The following INSR variants were observed in gnomAD, a reference collection of about 807,000 sequenced individuals.
INSR encodes the protein insulin receptor.
Under a neutral mutation model 142.6 loss-of-function variants are expected in INSR, and 67 were observed. The observed-to-expected ratio is 0.47, with a 90% CI of 0.39 to 0.58. The LOEUF (loss-of-function observed/expected upper bound fraction) is 0.58. Ranked by LOEUF, INSR falls within the 20% of genes least tolerant of loss-of-function variation. The pLI is 0.00. For synonymous variants in INSR, 756 were observed against 743.1 expected, an observed-to-expected ratio of 1.02 and a Z score of -0.28; for missense variants, 1,248 against 1,833.2, an observed-to-expected ratio of 0.68 and a Z score of 5.83.
intron 21 of INSR, 67 bp from the exon 22 acceptor site, chr19:7,117,477 A>C (rs1450591034): frequency 8.3e-6 from 10 of 1,211,354 alleles, no homozygotes; most frequent in Non-Finnish European, 1.1e-5. Flanking sequence ...CCAAACCCCC[A>C]CTCTTGTCCC....
At chr19:7,195,195 G>C (rs936593821) in intron 2 of INSR, among the ~76,000 whole-genome samples, 1 of 152,172 alleles carries the variant, frequency 6.6e-6, no homozygotes, top group Non-Finnish European at 1.5e-5. Flanking sequence ...AATACTTCAA[G>C]TAACATTGCC....
At chr19:7,226,657 G>A (rs1408359761) in intron 2 of INSR, among the ~76,000 whole-genome samples, 1 of 149,016 alleles carries the variant, frequency 6.7e-6, no homozygotes, top group Non-Finnish European at 1.5e-5. Context: ...GAGCCCAAGA[G>A]GTCAAGGCTA....
intron 2 of INSR, among the ~76,000 whole-genome samples, chr19:7,209,415 A>G (rs566437829): frequency 2.6e-5 from 4 of 152,250 alleles, no homozygotes; most frequent in East Asian, 3.9e-4. Flanking sequence ...GCTCAACTCC[A>G]TAAAAGTCAT....
rs1200582680 is a variant in INSR at position 7,169,171 on chromosome 19, G to A, written c.1484-1077C>T. Among the ~76,000 whole-genome samples, 3 of 152,234 alleles carry A rather than the reference G, an allele frequency of 2.0e-5. No homozygotes were observed. In the East Asian group the frequency reaches 5.8e-4, roughly 29 times the overall value. ...AACCGTGGCCTTGATCTCTTTCTGG[G>A]TTTGGCCAAGACTCAGGGATGCATC... On this transcript the variant is annotated intron_variant, in intron 6 of 21. Transcript: ENST00000302850.
intron 2 of INSR, among the ~76,000 whole-genome samples, chr19:7,228,891 T>G (rs112599434): frequency 0.017 from 2,641 of 151,694 alleles, 83 homozygotes; most frequent in African/African-American, 0.06. Context: ...GATGTATGCA[T>G]GGGTGGATAG....
At chr19:7,285,432 A>T (rs916975910) in intron 1 of INSR, among the ~76,000 whole-genome samples, 1 of 152,176 alleles carries the variant, frequency 6.6e-6, no homozygotes, top group African/African-American at 2.4e-5. Context: ...CCTGGGCAAC[A>T]GAGTTAGTGA....
chr19:7,177,842 C>T (rs1042969397), intron 3 of INSR, among the ~76,000 whole-genome samples: 6 of 151,620 alleles, frequency 4.0e-5, no homozygotes, highest in Non-Finnish European at 5.9e-5. Context: ...CAACCGTGCC[C>T]GGCCAGTTAA....
chr19:7,144,506 C>T (rs1422454458), intron 11 of INSR, among the ~76,000 whole-genome samples: 9 of 152,140 alleles, frequency 5.9e-5, no homozygotes, highest in South Asian at 2.1e-4. Flanking sequence ...TGAGTTCATG[C>T]GATTCTCCTG....
At chr19:7,128,185 CAT>C (rs1400766680) in intron 15 of INSR, among the ~76,000 whole-genome samples, 1 of 151,636 alleles carries the variant, frequency 6.6e-6, no homozygotes, top group African/African-American at 2.4e-5. Flanking sequence ...CACTGATGAA[CAT>C]ATATGTCTTA....
At chr19:7,212,055 G>T (rs1222072091) in intron 2 of INSR, among the ~76,000 whole-genome samples, 1 of 152,092 alleles carries the variant, frequency 6.6e-6, no homozygotes, top group African/African-American at 2.4e-5. Context: ...CATCTGGGGA[G>T]GGGCCGTCTT....
intron 1 of INSR, among the ~76,000 whole-genome samples, chr19:7,280,723 A>C (rs1287408533): frequency 6.6e-6 from 1 of 151,668 alleles, no homozygotes; most frequent in Non-Finnish European, 1.5e-5. Context: ...ATCTCAAAAA[A>C]AAAAACAAAA....
Position 7,126,630 on chromosome 19 carries a change from T to A in INSR, c.2967A>T (p.Gly989=), listed in dbSNP as rs776148714. 1.3e-6 allele frequency: 2 copies of A among 1,565,794 alleles called. No homozygotes were observed. The highest frequency in any genetic ancestry group is 1.9e-5 in the Admixed American group (1 of 53,100). Residue 989 remains glycine (G), a synonymous_variant, in exon 16 of 22, where the codon GGA becomes GGT. Coordinates refer to ENST00000302850, the MANE Select transcript of INSR (RefSeq NM_000208.4). Reference sequence around the variant, plus strand: ...CAGGGTTTGAAGAAGCGTAAAGCGGTCCCAGCGGCCCATCTGGCTGCCTGG... The same window carrying A: ...CAGGGTTTGAAGAAGCGTAAAGCGGACCCAGCGGCCCATCTGGCTGCCTGG... ...LRKRQPDGPL[G]PLYASSNPEY...
Position 7,192,630 on chromosome 19 carries a change from C to T in INSR, c.653-7993G>A, listed in dbSNP as rs900786671. On this transcript the variant is annotated intron_variant, in intron 2 of 21. Transcript: ENST00000302850. The surrounding 1 kb of genome is among the most constrained non-coding windows in gnomAD (Gnocchi z 4.2). ...ACTTGCAGGAAAATGCCAAACCGTC[C>T]GGGGGCTGTCACTCCCTCACACCTG... Among the ~76,000 whole-genome samples the T allele has an allele frequency of 2.0e-5, 3 of 152,140 alleles. No homozygotes were observed. The highest frequency in any genetic ancestry group is 4.4e-5 in the Non-Finnish European group (3 of 68,030).
At chr19:7,215,578 A>ATTTATTTATTTT (rs1555753814) in intron 2 of INSR, among the ~76,000 whole-genome samples, 6 of 150,946 alleles carry the variant, frequency 4.0e-5, no homozygotes, top group South Asian at 2.1e-4. Flanking sequence ...TTATTTATTT[A>ATTTATTTATTTT]TTTTTTTGAG....
At chr19:7,285,657 T>G (rs958625850) in intron 1 of INSR, among the ~76,000 whole-genome samples, 1 of 152,058 alleles carries the variant, frequency 6.6e-6, no homozygotes, top group Non-Finnish European at 1.5e-5. Context: ...ATTTAAATTT[T>G]AAATTTTAAA....
intron 1 of INSR, among the ~76,000 whole-genome samples, chr19:7,292,189 C>G (rs2145260662): frequency 6.6e-6 from 1 of 151,460 alleles, no homozygotes; most frequent in South Asian, 2.1e-4. Context: ...CTCCCGGGTT[C>G]AAGCAATTGT....
chr19:7,217,440 G>A (rs935828444), intron 2 of INSR, among the ~76,000 whole-genome samples: 4 of 152,178 alleles, frequency 2.6e-5, no homozygotes, highest in Non-Finnish European at 1.5e-5. Context: ...CAGGGATTAC[G>A]ATGTGGGCAT....
chr19:7,206,439 G>C (rs898298034), intron 2 of INSR, among the ~76,000 whole-genome samples: 1 of 152,176 alleles, frequency 6.6e-6, no homozygotes, highest in Non-Finnish European at 1.5e-5. Context: ...GACGAGGGGC[G>C]GGCGAGCGAT....
intron 1 of INSR, among the ~76,000 whole-genome samples, chr19:7,285,456 A>G (rs1455276829): frequency 6.6e-6 from 1 of 151,598 alleles, no homozygotes; most frequent in Non-Finnish European, 1.5e-5. Flanking sequence ...TCCGTCTCAA[A>G]AATAAATAAA....
Sources: allele counts gnomAD v4.1 joint callset (sites outside exome capture counted in the v4.1 genomes callset), GRCh38; gene constraint gnomAD v4.1.1; non-coding constraint Gnocchi (gnomAD v3.1); transcripts MANE v1.5; gene names NCBI Gene and HGNC (gene_info 2026-07-23, HGNC 2026-07-21).